Variants in SEC14L5 observed in about 807,000 individuals in gnomAD.
SEC14L5 encodes SEC14-like protein 5.
In SEC14L5, 96 loss-of-function variants were observed where a neutral mutation model predicts 84.6. The ratio of observed to expected loss-of-function variants is 1.13; its 90% CI spans 0.96 to 1.34. The LOEUF is 1.34. SEC14L5 is among the 40% of genes most tolerant of loss of function. SEC14L5 has a pLI of 0.00. For synonymous variants in SEC14L5, 546 were observed against 383.4 expected (o/e 1.42, Z -4.95); for missense variants, 1,224 against 942.5 (o/e 1.30, Z -3.91).
Position 5,015,195 on chromosome 16 carries a change from C to T in SEC14L5, c.*225C>T, listed in dbSNP as rs1202043834. 9 of 548,740 alleles carry T rather than the reference C, an allele frequency of 1.6e-5. No homozygotes were observed. The highest frequency in any genetic ancestry group is 2.9e-5 in the Non-Finnish European group (9 of 308,876). The allele number at this position is 548,740 out of a possible 1,614,324, so 34.0% of individuals were successfully genotyped here. ...GGACAGAACCATCTCCTTCCGGCTT[C>T]GTGTAAGGAAGACCAAGCCAAGGCC... On this transcript the variant is annotated 3_prime_UTR_variant, in exon 16 of 16. Transcript: ENST00000251170.
At chr16:4,983,570 A>G (rs1405855243) in intron 2 of SEC14L5, among the ~76,000 whole-genome samples, 2 of 150,628 alleles carry the variant, frequency 1.3e-5, no homozygotes, top group African/African-American at 2.4e-5. Context: ...TTATATATAC[A>G]CTTAAATAAT....
At chr16:4,983,722 C>CAAAA in intron 2 of SEC14L5, among the ~76,000 whole-genome samples, 1 of 151,706 alleles carries the variant, frequency 6.6e-6, no homozygotes, top group Non-Finnish European at 1.5e-5. Context: ...ACTAGAAATA[C>CAAAA]AAAAATTAGC....
rs1396275908 is a variant in SEC14L5 at position 4,997,035 on chromosome 16, C to G, written c.961C>G (p.Gln321Glu). Residue 321 changes from glutamine (Q) to glutamate (E), a missense_variant, in exon 8 of 16, where the codon CAG becomes GAG. Gln to Glu is a conservative substitution (Grantham distance 29, BLOSUM62 2). Transcript: ENST00000251170. ...EEFYAGGWHY[Q>E]DIDGRPLYIL... ...GTTCTATGCAGGGGGCTGGCATTAC[C>G]AGGACATAGGTGCGTGCCTCCACCC... 6.2e-7 allele frequency: 1 copy of G among 1,610,270 alleles called. No homozygotes were observed. The highest frequency in any genetic ancestry group is 2.2e-5 in the East Asian group (1 of 44,816).
chr16:4,970,225 G>T (rs950583458), intron 2 of SEC14L5, among the ~76,000 whole-genome samples: 4 of 152,140 alleles, frequency 2.6e-5, no homozygotes, highest in Non-Finnish European at 5.9e-5. Flanking sequence ...GGAAAAACAG[G>T]GCATTGTAGG....
intron 2 of SEC14L5, among the ~76,000 whole-genome samples, chr16:4,973,919 G>C (rs1463616686): frequency 6.6e-6 from 1 of 151,896 alleles, no homozygotes; most frequent in African/African-American, 2.4e-5. Flanking sequence ...CCTCACCTCA[G>C]GTGATCTGCC....
chr16:4,983,925 G>A (rs1475000601), intron 2 of SEC14L5, among the ~76,000 whole-genome samples: 2 of 151,750 alleles, frequency 1.3e-5, no homozygotes, highest in Admixed American at 6.6e-5. Flanking sequence ...AATAGTATAT[G>A]TATACATGTG....
intron 12 of SEC14L5, among the ~76,000 whole-genome samples, chr16:5,006,843 G>C (rs1362112170): frequency 6.6e-6 from 1 of 152,028 alleles, no homozygotes; most frequent in Non-Finnish European, 1.5e-5. Context: ...AAACGGGGTG[G>C]GGGTAATCAT....
At chr16:4,967,341 G>C (rs1217377676) in intron 2 of SEC14L5, among the ~76,000 whole-genome samples, 1 of 152,066 alleles carries the variant, frequency 6.6e-6, no homozygotes, top group Non-Finnish European at 1.5e-5. Context: ...AGTCATATTG[G>C]ATTTATAAGG....
chr16:4,976,454 C>T (rs1188141102), intron 2 of SEC14L5, among the ~76,000 whole-genome samples: 1 of 152,194 alleles, frequency 6.6e-6, no homozygotes, highest in Admixed American at 6.6e-5. Flanking sequence ...GACCCTATTT[C>T]AGTAGTTGTG....
chr16:5,000,820 G>A, intron 9 of SEC14L5, 35 bp from the exon 10 acceptor site: 1 of 1,581,436 alleles, frequency 6.3e-7, no homozygotes, highest in Non-Finnish European at 8.6e-7. Flanking sequence ...AAAGCAGCGA[G>A]GCGGACGTTG....
intron 2 of SEC14L5, among the ~76,000 whole-genome samples, chr16:4,986,299 C>A (rs1955486384): frequency 6.6e-6 from 1 of 152,098 alleles, no homozygotes; most frequent in Admixed American, 6.6e-5. Context: ...GCCACCACGC[C>A]CGGCTGCTTT....
At chr16:4,990,685 C>G in intron 4 of SEC14L5, 82 bp from the exon 5 acceptor site, 1 of 1,394,736 alleles carries the variant, frequency 7.2e-7, no homozygotes, top group Non-Finnish European at 9.6e-7. Flanking sequence ...TCTGCCTGGG[C>G]CCAGGTCAGT....
At position 4,996,479 on chromosome 16, in the gene SEC14L5, C is replaced by T; in HGVS notation, c.780+19C>T. Reference sequence around the variant, plus strand: ...AGGCAAGGTGGGTGCAGGGGGTACCCTGGAGCAGTGGATGAATGGGCAATG... The same window carrying T: ...AGGCAAGGTGGGTGCAGGGGGTACCTTGGAGCAGTGGATGAATGGGCAATG... On this transcript the variant is annotated intron_variant, in intron 7 of 15. Coordinates refer to ENST00000251170, the MANE Select transcript of SEC14L5 (RefSeq NM_014692.2). The T allele has an allele frequency of 7.2e-7, 1 of 1,398,030 alleles. No individual in the cohort carries two copies. The highest frequency in any genetic ancestry group is 9.9e-7 in the Non-Finnish European group (1 of 1,006,330). 86.6% of individuals were successfully genotyped at this position (1,398,030 alleles called of 1,614,324 possible). A position where few individuals can be genotyped will look rare whatever the true frequency, so the allele number is the denominator to read the frequency against.
At chr16:4,996,303 C>A (rs370457137) in intron 6 of SEC14L5, 45 bp from the exon 7 acceptor site, 1 of 1,137,882 alleles carries the variant, frequency 8.8e-7, no homozygotes, top group Non-Finnish European at 1.3e-6. Context: ...GGTAAAGAGA[C>A]GCAGCGTCTC....
intron 2 of SEC14L5, among the ~76,000 whole-genome samples, chr16:4,961,098 C>T (rs903401469): frequency 6.6e-6 from 1 of 152,038 alleles, no homozygotes; most frequent in African/African-American, 2.4e-5. Context: ...GGTGAAACCC[C>T]AACTCAACTA....
chr16:4,970,291 TGA>T (rs1002119907), intron 2 of SEC14L5, among the ~76,000 whole-genome samples: 1 of 152,122 alleles, frequency 6.6e-6, no homozygotes, highest in Admixed American at 6.6e-5. Context: ...CCAGCCAGGC[TGA>T]GAGTTGCGGG....
chr16:5,012,930 T>C (rs1205956336), intron 15 of SEC14L5, among the ~76,000 whole-genome samples: 1 of 141,602 alleles, frequency 7.1e-6, no homozygotes, highest in African/African-American at 2.6e-5. Flanking sequence ...TACCTGAGAC[T>C]GGGTAATTTA....
chr16:4,982,183 T>C (rs1955432054), intron 2 of SEC14L5, among the ~76,000 whole-genome samples: 1 of 152,052 alleles, frequency 6.6e-6, no homozygotes, highest in Admixed American at 6.5e-5. Context: ...CAAGGGCTCC[T>C]GGGCATGTAT....
chr16:5,012,768 G>A (rs1397617700), intron 15 of SEC14L5, among the ~76,000 whole-genome samples: 1 of 152,200 alleles, frequency 6.6e-6, no homozygotes, highest in Non-Finnish European at 1.5e-5. Context: ...AGCCGGGCAT[G>A]CCTATAATCC....
Sources: gnomAD v4.1 joint callset for allele counts (sites outside exome capture counted in the v4.1 genomes callset) on GRCh38, gnomAD v4.1.1 for gene constraint, MANE v1.5 for transcripts, NCBI Gene and HGNC (gene_info 2026-07-23, HGNC 2026-07-21) for gene names.